The following IFT43 variants were observed in gnomAD, a reference collection of about 807,000 sequenced individuals.
IFT43 encodes the protein intraflagellar transport 43.
Under a neutral mutation model 32.3 loss-of-function variants are expected in IFT43, and 33 were observed. The observed-to-expected ratio is 1.02, with a 90% CI of 0.77 to 1.37. The LOEUF (loss-of-function observed/expected upper bound fraction) is 1.37. Ranked by LOEUF, IFT43 falls within the 40% of genes most tolerant of loss-of-function variation. IFT43 has a pLI of 0.00. For missense variants in IFT43, 274 were observed against 265.9 expected (o/e 1.03, Z -0.21); for synonymous variants, 93 against 98.2 (o/e 0.95, Z 0.31).
intron 2 of IFT43, among the ~76,000 whole-genome samples, chr14:75,997,941 A>C (rs1462799073): frequency 6.6e-6 from 1 of 152,158 alleles, no homozygotes. Context: ...TACTCGTTGC[A>C]CTTAAGATAA....
intron 3 of IFT43, among the ~76,000 whole-genome samples, chr14:76,030,732 C>A (rs541661093): frequency 6.6e-6 from 1 of 152,064 alleles, no homozygotes; most frequent in South Asian, 2.1e-4. Flanking sequence ...TGAATTATTT[C>A]TCATACAGGT....
rs1324975860 is a variant in IFT43, at chr14:76,038,980, A to G, written c.215+16586A>G. 6.6e-5 allele frequency among the ~76,000 whole-genome samples: 10 copies of G among 152,086 alleles called. No individual in the cohort carries two copies. The East Asian group carries it at 1.9e-3, about 29-fold the overall frequency. On this transcript the variant is annotated intron_variant, in intron 3 of 8. Coordinates refer to ENST00000314067, the MANE Select transcript of IFT43 (RefSeq NM_001102564.3). ...GTGTCCTTTCCTACTTAGCCCCTGA[A>G]ATGTGTACAGTGAGGTGGGTACTTC...
At chr14:76,034,083 C>A (rs979974480) in intron 3 of IFT43, among the ~76,000 whole-genome samples, 2 of 152,180 alleles carry the variant, frequency 1.3e-5, no homozygotes, top group African/African-American at 4.8e-5. Context: ...ATAGCGTATT[C>A]ACCTTAAATT....
intron 3 of IFT43, among the ~76,000 whole-genome samples, chr14:76,039,207 A>G (rs553459340): frequency 1.3e-5 from 2 of 151,102 alleles, no homozygotes; most frequent in African/African-American, 4.9e-5. Flanking sequence ...ATCATAGTTC[A>G]CTGTAATCTC....
At chr14:76,003,805 TCTCA>T (rs1253321908) in intron 2 of IFT43, among the ~76,000 whole-genome samples, 8 of 151,600 alleles carry the variant, frequency 5.3e-5, no homozygotes, top group African/African-American at 1.9e-4. Flanking sequence ...TGAGACAGAG[TCTCA>T]CTCTGTTGCC....
chr14:75,994,953 A>G (rs1234586917), intron 2 of IFT43, among the ~76,000 whole-genome samples: 1 of 152,248 alleles, frequency 6.6e-6, no homozygotes, highest in African/African-American at 2.4e-5. Context: ...GGGCTAGCTC[A>G]TCTTTTGGAT....
At chr14:75,996,281 G>T (rs191296009) in intron 2 of IFT43, among the ~76,000 whole-genome samples, 4 of 152,316 alleles carry the variant, frequency 2.6e-5, no homozygotes, top group Non-Finnish European at 5.9e-5. Context: ...AGCTCTGCCA[G>T]TTGCTAGGTG....
chr14:76,008,114 C>T (rs2036012621), intron 2 of IFT43, among the ~76,000 whole-genome samples: 1 of 152,186 alleles, frequency 6.6e-6, no homozygotes, highest in African/African-American at 2.4e-5. Context: ...ATTTGCCAAA[C>T]ACTGTGGCTG....
chr14:76,073,751 A>T (rs1247139943), intron 5 of IFT43, among the ~76,000 whole-genome samples: 3 of 152,214 alleles, frequency 2.0e-5, no homozygotes, highest in Non-Finnish European at 4.4e-5. Flanking sequence ...AGACACCATC[A>T]TTTAAAAGTG....
intron 5 of IFT43, among the ~76,000 whole-genome samples, chr14:76,066,551 G>A (rs2037227546): frequency 6.6e-6 from 1 of 152,236 alleles, no homozygotes; most frequent in Non-Finnish European, 1.5e-5. Flanking sequence ...AGAATTACTT[G>A]GTTGGCTAGT....
At chr14:76,069,234 TAAAAC>T (rs2037277817) in intron 5 of IFT43, among the ~76,000 whole-genome samples, 1 of 152,074 alleles carries the variant, frequency 6.6e-6, no homozygotes, top group Admixed American at 6.6e-5. Flanking sequence ...CACACACTTT[TAAAAC>T]AACCAGAATT....
intron 3 of IFT43, among the ~76,000 whole-genome samples, chr14:76,051,441 T>G (rs938677773): frequency 6.6e-6 from 1 of 152,002 alleles, no homozygotes; most frequent in Non-Finnish European, 1.5e-5. Flanking sequence ...TGGGATTGAA[T>G]GAGCAGTGTG....
chr14:75,990,028 A>G (rs1157639452), intron 2 of IFT43, among the ~76,000 whole-genome samples: 1 of 152,216 alleles, frequency 6.6e-6, no homozygotes, highest in East Asian at 1.9e-4. Flanking sequence ...TCATTACTTT[A>G]AGATAACATC....
intron 3 of IFT43, among the ~76,000 whole-genome samples, chr14:76,048,080 G>A (rs1439949667): frequency 1.3e-5 from 2 of 152,124 alleles, no homozygotes; most frequent in Non-Finnish European, 1.5e-5. Flanking sequence ...GCCCAAGGTC[G>A]TACAGCTAAT....
At chr14:76,067,594 A>G (rs1417106560) in intron 5 of IFT43, among the ~76,000 whole-genome samples, 7 of 149,466 alleles carry the variant, frequency 4.7e-5, no homozygotes, top group Non-Finnish European at 8.9e-5. Context: ...AAAAAAAAAG[A>G]GAGAAGGCGC....
intron 5 of IFT43, among the ~76,000 whole-genome samples, chr14:76,061,497 G>A (rs567736470): frequency 5.1e-4 from 77 of 152,278 alleles, no homozygotes; most frequent in African/African-American, 1.6e-3. Flanking sequence ...TTGAGGCTTG[G>A]TGTTTTTTGT....
intron 3 of IFT43, among the ~76,000 whole-genome samples, chr14:76,032,247 C>T (rs2036521783): frequency 6.6e-6 from 1 of 152,196 alleles, no homozygotes; most frequent in South Asian, 2.1e-4. Context: ...GTCTGAACTG[C>T]CAGCACCTGG....
chr14:75,997,543 C>T (rs1402508057), intron 2 of IFT43, among the ~76,000 whole-genome samples: 1 of 152,212 alleles, frequency 6.6e-6, no homozygotes, highest in Admixed American at 6.5e-5. Context: ...GATTCTATTG[C>T]AATGTTGGAA....
intron 3 of IFT43, among the ~76,000 whole-genome samples, chr14:76,024,771 G>A (rs2036358650): frequency 2.0e-5 from 3 of 152,228 alleles, no homozygotes; most frequent in Admixed American, 2.0e-4. Context: ...CTCTGTAGCT[G>A]TCAGCACCTT....
Sources: gnomAD v4.1 joint callset for allele counts (sites outside exome capture counted in the v4.1 genomes callset) on GRCh38, gnomAD v4.1.1 for gene constraint, MANE v1.5 for transcripts, NCBI Gene and HGNC (gene_info 2026-07-23, HGNC 2026-07-21) for gene names.